EIF3K: variants seen among roughly 807,000 people sequenced by gnomAD.
The protein encoded by EIF3K is eIF-3 p28.
Under a neutral mutation model 34.2 loss-of-function variants are expected in EIF3K, and 27 were observed. The observed-to-expected ratio is 0.79, with a 90% CI of 0.58 to 1.09. EIF3K has a LOEUF of 1.09. EIF3K is among the 50% of genes least tolerant of loss of function. The probability of loss-of-function intolerance (pLI) is 0.00; values close to 1 mark genes in which losing one functional copy is unlikely to be tolerated. For synonymous variants in EIF3K, 105 were observed against 105.7 expected, an observed-to-expected ratio of 0.99 and a Z score of 0.04; for missense variants, 232 against 275.4, an observed-to-expected ratio of 0.84 and a Z score of 1.11.
At chr19:38,627,712 T>G (rs573217775) in intron 4 of EIF3K, among the ~76,000 whole-genome samples, 1 of 151,170 alleles carries the variant, frequency 6.6e-6, no homozygotes, top group South Asian at 2.1e-4. Context: ...TCACTGGCGC[T>G]CTCTACCACT....
chr19:38,621,215 AAAG>A (rs981254968), intron 2 of EIF3K, among the ~76,000 whole-genome samples: 2 of 148,616 alleles, frequency 1.3e-5, no homozygotes, highest in African/African-American at 5.0e-5. Flanking sequence ...AAAAAAAAAA[AAAG>A]AATTACCAAT....
Position 38,619,189 on chromosome 19 carries a change from T to A in EIF3K, c.-80T>A. On this transcript the variant is annotated 5_prime_UTR_variant, in exon 1 of 8. Transcript: ENST00000248342. ...CGACGTCGTTTCCGTTTCCACCACC[T>A]CTTCCTGTTCCCGTCCTTGAGGACG... 6.6e-7 allele frequency: 1 copy of A among 1,522,114 alleles called. No homozygotes were observed. Among genetic ancestry groups the A allele is most frequent in the South Asian group, 1.2e-5 (1 of 86,640 alleles). 94.3% of individuals were successfully genotyped at this position (1,522,114 alleles called of 1,614,324 possible). A position where few individuals can be genotyped will look rare whatever the true frequency, so the allele number is the denominator to read the frequency against.
intron 6 of EIF3K, among the ~76,000 whole-genome samples, chr19:38,633,663 A>G (rs1437993966): frequency 6.6e-6 from 1 of 150,510 alleles, no homozygotes; most frequent in African/African-American, 2.5e-5. Flanking sequence ...GCACCATTGC[A>G]CTAGTGATAA....
chr19:38,626,087 T>C lies in EIF3K; in HGVS notation c.339T>C (p.His113=). 1 of 1,614,160 alleles carries C rather than the reference T, an allele frequency of 6.2e-7. No individual in the cohort carries two copies. ...LYLGDLLETC[H]FQAFWQALDE... ...TCGGGGACCTGCTGGAGACCTGCCA[T>C]TTCCAGGCCTTCTGGGTAACTTCCC... is the stretch of plus-strand genomic sequence containing the variant. Residue 113 remains histidine, a synonymous_variant, in exon 4 of 8, where the codon CAT becomes CAC. Coordinates refer to ENST00000248342, the MANE Select transcript of EIF3K (RefSeq NM_013234.4).
intron 4 of EIF3K, among the ~76,000 whole-genome samples, chr19:38,631,650 CTT>C (rs1402854034): frequency 6.6e-6 from 1 of 152,206 alleles, no homozygotes; most frequent in African/African-American, 2.4e-5. Flanking sequence ...GTTCCTTCCT[CTT>C]TTACTAATCC....
intron 3 of EIF3K, among the ~76,000 whole-genome samples, chr19:38,624,907 CA>C (rs1599732195): frequency 3.3e-5 from 5 of 152,166 alleles, no homozygotes; most frequent in Admixed American, 2.6e-4. Context: ...GGCTGTGAGA[CA>C]GGGAAGGGAA....
rs1183445867 is a variant in EIF3K, at chr19:38,635,074, A to C, written c.581A>C (p.Glu194Ala). The C allele has an allele frequency of 6.2e-7, 1 of 1,614,104 alleles. No homozygotes were observed. The highest frequency in any genetic ancestry group is 8.5e-7 in the Non-Finnish European group (1 of 1,180,050). Residue 194 changes from glutamate (E) to alanine (A), a missense_variant, in exon 7 of 8, where the codon GAG becomes GCG. Glu to Ala is a moderately radical substitution (Grantham distance 107). Coordinates refer to ENST00000248342, the MANE Select transcript of EIF3K (RefSeq NM_013234.4). ...CAGATCTTCATCTGTAGCCAAGAAG[A>C]GAGCATTAAACCCAAGAACATTGTG... The part of the protein sequence containing the change: ...SGQIFICSQE[E>A]SIKPKNIVEK...
At chr19:38,621,903 CTTTTTTTTTTT>C (rs914363057) in intron 2 of EIF3K, among the ~76,000 whole-genome samples, 5 of 111,504 alleles carry the variant, frequency 4.5e-5, no homozygotes, top group African/African-American at 1.4e-4. Context: ...TCTTCGTGCC[CTTTTTTTTTTT>C]TTTTTTTTTT....
chr19:38,625,029 C>T (rs1483218723), intron 3 of EIF3K, among the ~76,000 whole-genome samples: 5 of 151,920 alleles, frequency 3.3e-5, no homozygotes, highest in Admixed American at 2.6e-4. Context: ...GAGGGGTAGG[C>T]AAAGGTGATC....
chr19:38,636,801 C>T, intron 7 of EIF3K, 88 bp from the exon 8 acceptor site: 2 of 1,477,508 alleles, frequency 1.4e-6, no homozygotes, highest in Admixed American at 3.3e-5. Flanking sequence ...TATGATCTCC[C>T]CCTAAAGAAT....
chr19:38,626,254 G>A (rs1975949640), intron 4 of EIF3K, 152 bp downstream of exon 4: 10 of 737,336 alleles, frequency 1.4e-5, no homozygotes, highest in South Asian at 4.8e-5. Flanking sequence ...TCATCCTCTC[G>A]CGGAGCAGGT....
At chr19:38,627,280 C>T (rs1336444024) in intron 4 of EIF3K, among the ~76,000 whole-genome samples, 5 of 152,044 alleles carry the variant, frequency 3.3e-5, no homozygotes, top group Non-Finnish European at 7.4e-5. Flanking sequence ...ACCACCACGC[C>T]GGGCCAGAAA....
intron 2 of EIF3K, among the ~76,000 whole-genome samples, chr19:38,622,870 A>G (rs1210063988): frequency 2.0e-5 from 3 of 152,270 alleles, no homozygotes; most frequent in Non-Finnish European, 4.4e-5. Flanking sequence ...AAGAAGAGAA[A>G]TATGGCTCTG....
chr19:38,633,933 C>G (rs1664115772), intron 6 of EIF3K, among the ~76,000 whole-genome samples: 1 of 151,314 alleles, frequency 6.6e-6, no homozygotes, highest in African/African-American at 2.4e-5. Context: ...GATCACACCA[C>G]TGCATTCCAC....
chr19:38,621,670 C>G (rs1393628281), intron 2 of EIF3K, among the ~76,000 whole-genome samples: 3 of 152,186 alleles, frequency 2.0e-5, no homozygotes, highest in African/African-American at 7.2e-5. Flanking sequence ...TCAGGTTTCC[C>G]TGCTTTGAAC....
intron 7 of EIF3K, 141 bp downstream of exon 7, chr19:38,635,259 TTG>T (rs1179112304): frequency 7.9e-7 from 1 of 1,264,138 alleles, no homozygotes. Context: ...TCCATTCACC[TTG>T]TGTCTTGGGG....
intron 6 of EIF3K, among the ~76,000 whole-genome samples, chr19:38,634,230 G>A (rs1181625921): frequency 6.9e-6 from 1 of 144,548 alleles, no homozygotes; most frequent in African/African-American, 2.6e-5. Flanking sequence ...CCAAATAGCT[G>A]AGACTATAGG....
chr19:38,623,779 T>C (rs1472380830), intron 2 of EIF3K, among the ~76,000 whole-genome samples: 1 of 152,202 alleles, frequency 6.6e-6, no homozygotes, highest in African/African-American at 2.4e-5. Context: ...ACCGAGGCAG[T>C]CTGGCTCTGG....
intron 6 of EIF3K, among the ~76,000 whole-genome samples, chr19:38,634,285 T>C (rs1165664121): frequency 7.5e-6 from 1 of 133,962 alleles, no homozygotes; most frequent in Non-Finnish European, 1.6e-5. Context: ...TTTTTTTTTT[T>C]AGCAGAGATG....
Sources: gnomAD v4.1 joint callset for allele counts (sites outside exome capture counted in the v4.1 genomes callset) on GRCh38, gnomAD v4.1.1 for gene constraint, MANE v1.5 for transcripts, NCBI Gene and HGNC (gene_info 2026-07-23, HGNC 2026-07-21) for gene names.